The following NUP98 variants were observed in gnomAD, a reference collection of about 807,000 sequenced individuals.
NUP98 encodes nuclear pore complex protein Nup98-Nup96.
A neutral mutation model predicts 191.9 loss-of-function variants in NUP98; 26 were observed. The observed-to-expected ratio is 0.14, with a 90% CI of 0.10 to 0.19. The LOEUF (loss-of-function observed/expected upper bound fraction) is 0.19. NUP98 is among the 10% of genes least tolerant of loss of function. The pLI, the probability that NUP98 is intolerant of heterozygous loss-of-function variation, is 1.00. For missense variants in NUP98, 1,941 were observed against 2,178.8 expected, an observed-to-expected ratio of 0.89 and a Z score of 2.17; for synonymous variants, 808 against 778.4, an observed-to-expected ratio of 1.04 and a Z score of -0.63.
chr11:3,686,054 T>C lies in NUP98; in HGVS notation c.4595A>G (p.Gln1532Arg). 6.2e-7 allele frequency: 1 copy of C among 1,614,224 alleles called. No homozygotes were observed. The highest frequency in any genetic ancestry group is 1.1e-5 in the South Asian group (1 of 91,082). ...HLSAQCEGVLQASYAGQLESE... is the reference protein window; with the variant it reads ...HLSAQCEGVLRASYAGQLESE... ...TTCAAGCTGGCCAGCGTAACTGGCC[T>C]GTAGCACACCTTCACACTGCGCTGA... Residue 1532 changes from glutamine to arginine, a missense_variant, in exon 29 of 33, where the codon CAG becomes CGG. Around this residue, in one of 6 missense-constraint regions of NUP98, gnomAD observed 1,030 missense variants for 1,115.8 expected, o/e 0.92. Transcript: ENST00000324932.
intron 8 of NUP98, among the ~76,000 whole-genome samples, chr11:3,766,106 TG>T (rs2081329696): frequency 6.6e-6 from 1 of 152,016 alleles, no homozygotes; most frequent in African/African-American, 2.4e-5. Context: ...CAGGTACAGC[TG>T]CTCACACCTG....
intron 25 of NUP98, among the ~76,000 whole-genome samples, chr11:3,696,227 C>T (rs1455416367): frequency 2.6e-5 from 4 of 151,996 alleles, no homozygotes; most frequent in Non-Finnish European, 5.9e-5. Context: ...AAACACTGGG[C>T]ACGGTGGCTC....
chr11:3,713,117 G>A (rs1366787002), intron 19 of NUP98, among the ~76,000 whole-genome samples: 2 of 152,132 alleles, frequency 1.3e-5, no homozygotes, highest in African/African-American at 2.4e-5. Context: ...GAAATCATTG[G>A]ATTAAACTAT....
chr11:3,740,347 C>G (rs969011663), intron 12 of NUP98, among the ~76,000 whole-genome samples: 1 of 151,944 alleles, frequency 6.6e-6, no homozygotes, highest in African/African-American at 2.4e-5. Context: ...CCAATACCTA[C>G]TAAAAATACA....
At chr11:3,726,606 A>AT (rs574483635) in intron 14 of NUP98, among the ~76,000 whole-genome samples, 27 of 151,924 alleles carry the variant, frequency 1.8e-4, no homozygotes, top group Non-Finnish European at 3.5e-4. Flanking sequence ...AAATGAATAC[A>AT]TATTACAAAA....
intron 7 of NUP98, among the ~76,000 whole-genome samples, chr11:3,770,776 C>T (rs942846680): frequency 2.0e-5 from 3 of 152,160 alleles, no homozygotes; most frequent in Admixed American, 6.6e-5. Flanking sequence ...ATCTTTAACT[C>T]CTCTTTCACA....
At chr11:3,784,596 C>CAAAA (rs60126486) in intron 1 of NUP98, among the ~76,000 whole-genome samples, 59 of 141,910 alleles carry the variant, frequency 4.2e-4, no homozygotes, top group Admixed American at 6.4e-4. Context: ...AAAAAAAAAA[C>CAAAA]AAAAAAAAAC....
rs565676683 is a variant in NUP98, at chr11:3,714,906, T to C, written c.2400-911A>G. ...TACCCATTCACTTATCAATGAACAT[T>C]TGGGTGACTTTTACCTACTGGCTGT... is the stretch of plus-strand genomic sequence containing the variant. On this transcript the variant is annotated intron_variant, in intron 18 of 32. Transcript: ENST00000324932. 2.6e-5 allele frequency: 4 copies of C among 152,332 alleles called. No individual in the cohort carries two copies. In the East Asian group the frequency reaches 5.8e-4, roughly 22 times the overall value. The allele number at this position is 152,332 out of a possible 1,614,324, so 9.4% of individuals were successfully genotyped here.
At chr11:3,781,557 A>G (rs1461779799) in intron 2 of NUP98, 1 of 151,764 alleles carries the variant, frequency 6.6e-6, no homozygotes, top group South Asian at 2.1e-4. Context: ...TTAAATGTAA[A>G]TAAGGATTGC....
rs1482635486 is a variant in NUP98, at chr11:3,691,563, T to C, written c.4312-74A>G. ...ACTAGATGCCATTATGTTTCTTCTT[T>C]TTTTTTTTGAGAGGCAGTCTCACTC... On this transcript the variant is annotated intron_variant, in intron 27 of 32. Transcript: ENST00000324932. 4.1e-6 allele frequency: 6 copies of C among 1,472,760 alleles called. No individual in the cohort carries two copies. The African/African-American group carries it at 8.5e-5, about 21-fold the overall frequency. The allele number at this position is 1,472,760 out of a possible 1,614,324, so 91.2% of individuals were successfully genotyped here. A position where few individuals can be genotyped will look rare whatever the true frequency, so the allele number is the denominator to read the frequency against.
At chr11:3,784,374 G>C (rs1292515282) in intron 1 of NUP98, among the ~76,000 whole-genome samples, 2 of 152,034 alleles carry the variant, frequency 1.3e-5, no homozygotes, top group African/African-American at 4.8e-5. Context: ...CAAAAACTGA[G>C]TAACTCCTTT....
At chr11:3,794,678 G>A (rs535611863) in intron 1 of NUP98, among the ~76,000 whole-genome samples, 32 of 152,272 alleles carry the variant, frequency 2.1e-4, no homozygotes, top group Non-Finnish European at 3.5e-4. Context: ...AAGCAGTGGT[G>A]CAATCACAGC....
At chr11:3,696,684 C>A (rs1001329707) in intron 25 of NUP98, 6 of 151,984 alleles carry the variant, frequency 3.9e-5, no homozygotes, top group African/African-American at 1.5e-4. Flanking sequence ...TGGCACGTTA[C>A]CTGTAATCCC....
rs1369919200 is a variant in NUP98, at chr11:3,746,710, C to T, written c.1268-2061G>A. Among the ~76,000 whole-genome samples the T allele has an allele frequency of 4.6e-5, 7 of 151,654 alleles. 1 individual carries two copies. Among genetic ancestry groups the T allele is most frequent in the Admixed American group, 3.3e-4 (5 of 15,220 alleles). On this transcript the variant is annotated intron_variant, in intron 11 of 32. Coordinates refer to ENST00000324932, the MANE Select transcript of NUP98 (RefSeq NM_016320.5). The stretch of plus-strand genomic sequence containing the variant: ...GGCAGATCACCTGAGGTCAGGAGTT[C>T]GAGACCAGCCTGACAAACATGGAGA...
At chr11:3,697,221 G>C (rs1294651943) in intron 25 of NUP98, 1 of 152,120 alleles carries the variant, frequency 6.6e-6, no homozygotes, top group Non-Finnish European at 1.5e-5. Flanking sequence ...AGACCAGCCT[G>C]GTCAACATAC....
chr11:3,781,744 G>C (rs971173719), intron 2 of NUP98, among the ~76,000 whole-genome samples: 1 of 152,060 alleles, frequency 6.6e-6, no homozygotes, highest in African/African-American at 2.4e-5. Flanking sequence ...TCAACATTAA[G>C]AGAATTATTT....
At chr11:3,792,747 C>A (rs534629041) in intron 1 of NUP98, among the ~76,000 whole-genome samples, 2 of 152,314 alleles carry the variant, frequency 1.3e-5, no homozygotes, top group South Asian at 4.1e-4. Flanking sequence ...AAGTACAACA[C>A]AGACCAATGG....
intron 6 of NUP98, 147 bp from the exon 7 acceptor site, chr11:3,772,075 T>C (rs2081549530): frequency 1.6e-6 from 1 of 642,692 alleles, no homozygotes; most frequent in Non-Finnish European, 2.6e-6. Context: ...TGACATTATA[T>C]CATTACAGAA....
intron 20 of NUP98, 71 bp downstream of exon 20, chr11:3,712,493 T>C: frequency 1.3e-6 from 2 of 1,597,948 alleles, no homozygotes; most frequent in Non-Finnish European, 1.7e-6. Flanking sequence ...CAGCTTTGTA[T>C]TAGCTGAATG....
Sources: gnomAD v4.1 joint callset for allele counts (sites outside exome capture counted in the v4.1 genomes callset) on GRCh38, gnomAD v4.1.1 for gene constraint, gnomAD v4.1.1 regional missense constraint, MANE v1.5 for transcripts, NCBI Gene and HGNC (gene_info 2026-07-23, HGNC 2026-07-21) for gene names.